The following ERBB4 variants were observed in gnomAD, a reference collection of about 807,000 sequenced individuals.
ERBB4 encodes receptor tyrosine-protein kinase erbB-4.
ERBB4 carries 42 observed loss-of-function variants against 158.0 expected under a neutral mutation model. The ratio of observed to expected loss-of-function variants is 0.27; its 90% CI spans 0.21 to 0.34. ERBB4 has a LOEUF of 0.34. Among genes scored for constraint, ERBB4 ranks in the 10% least tolerant of loss-of-function variants. The pLI is 1.00. For synonymous variants in ERBB4, 583 were observed against 558.7 expected (o/e 1.04, Z -0.61); for missense variants, 1,333 against 1,624.1 (o/e 0.82, Z 3.08).
intron 4 of ERBB4, among the ~76,000 whole-genome samples, chr2:211,754,439 T>C (rs1298395681): frequency 4.1e-5 from 6 of 147,382 alleles, no homozygotes; most frequent in Non-Finnish European, 7.4e-5. Flanking sequence ...TCTCGCTCTG[T>C]TGCACAGGCT....
rs561850242 is a variant in ERBB4 at position 211,504,731 on chromosome 2, G to C, written c.2487+57172C>G. Among the ~76,000 whole-genome samples the C allele has an allele frequency of 2.0e-5, 3 of 152,206 alleles. No individual in the cohort carries two copies. The East Asian group carries it at 5.8e-4, about 29-fold the overall frequency. ...GAATTCAAGAAACAATTCAGAAGAT[G>C]AAAGTAGAGATAAATATATTTTTGA... On this transcript the variant is annotated intron_variant, in intron 20 of 27. Coordinates refer to ENST00000342788, the MANE Select transcript of ERBB4 (RefSeq NM_005235.3).
chr2:211,709,292 C>CATAT (rs1176289939), intron 9 of ERBB4, among the ~76,000 whole-genome samples: 2 of 131,328 alleles, frequency 1.5e-5, no homozygotes, highest in African/African-American at 6.4e-5. Flanking sequence ...TATATATATA[C>CATAT]ATATATATAT....
At chr2:212,354,333 G>C (rs1376567997) in intron 1 of ERBB4, among the ~76,000 whole-genome samples, 1 of 152,048 alleles carries the variant, frequency 6.6e-6, no homozygotes, top group Non-Finnish European at 1.5e-5. Flanking sequence ...GACTCCTGAG[G>C]TGCTTTGCAA....
intron 2 of ERBB4, among the ~76,000 whole-genome samples, chr2:211,951,722 C>G (rs891376426): frequency 6.6e-6 from 1 of 152,052 alleles, no homozygotes; most frequent in Non-Finnish European, 1.5e-5. Context: ...AACTGAGGTT[C>G]TAGTGTCCAA....
intron 3 of ERBB4, among the ~76,000 whole-genome samples, chr2:211,803,878 G>A (rs759322941): frequency 1.6e-4 from 25 of 152,186 alleles, no homozygotes; most frequent in Non-Finnish European, 3.4e-4. Flanking sequence ...GGGAAAGGGA[G>A]GCAGTTATAC....
chr2:212,512,125 G>A lies in ERBB4; in HGVS notation c.82+26324C>T, dbSNP rs114617532. Reference sequence around the variant, plus strand: ...CAATAATGATTCTCTCCCCAGGGATGGGGGACAATTGAATTAAAGTTTATT... The same window carrying A: ...CAATAATGATTCTCTCCCCAGGGATAGGGGACAATTGAATTAAAGTTTATT... On this transcript the variant is annotated intron_variant, in intron 1 of 27. Coordinates refer to ENST00000342788, the MANE Select transcript of ERBB4 (RefSeq NM_005235.3). Among the ~76,000 whole-genome samples, 798 of 152,222 alleles carry A rather than the reference G, an allele frequency of 5.2e-3. 14 individuals carry two copies. Among genetic ancestry groups the A allele is most frequent in the African/African-American group, 0.018 (747 of 41,520 alleles).
At chr2:211,474,216 ATAATC>A (rs1229668260) in intron 20 of ERBB4, among the ~76,000 whole-genome samples, 2 of 152,112 alleles carry the variant, frequency 1.3e-5, no homozygotes, top group African/African-American at 4.8e-5. Flanking sequence ...TAAGTAATAA[ATAATC>A]TGTCTCTGGT....
At chr2:211,816,507 C>T (rs1299242562) in intron 3 of ERBB4, among the ~76,000 whole-genome samples, 1 of 137,200 alleles carries the variant, frequency 7.3e-6, no homozygotes, top group Non-Finnish European at 1.5e-5. Context: ...TACCACTGCA[C>T]TCCAGCCTGG....
In ERBB4 at chr2:212,155,051, T is replaced by C. The variant is rs73071243; in HGVS notation, c.83-30148A>G. On this transcript the variant is annotated intron_variant, in intron 1 of 27. Coordinates refer to ENST00000342788, the MANE Select transcript of ERBB4 (RefSeq NM_005235.3). ...GAATGGTGCCGCAATTCAAATGTAC[T>C]GTAAAATTACTGAAATGATTTCAAT... 3.5e-3 allele frequency among the ~76,000 whole-genome samples: 535 copies of C among 152,324 alleles called. 2 individuals are homozygous for C. Among genetic ancestry groups the C allele is most frequent in the African/African-American group, 0.012 (510 of 41,584 alleles).
intron 4 of ERBB4, among the ~76,000 whole-genome samples, chr2:211,787,491 G>A (rs1437922800): frequency 6.6e-6 from 1 of 152,092 alleles, no homozygotes; most frequent in Non-Finnish European, 1.5e-5. Context: ...ACTGTAACAT[G>A]TTTCTTCTAT....
intron 1 of ERBB4, among the ~76,000 whole-genome samples, chr2:212,228,915 T>C (rs10166883): frequency 0.041 from 6,261 of 152,292 alleles, 394 homozygotes; most frequent in African/African-American, 0.14. Context: ...TAAAAATTTA[T>C]GTATATGTGA....
chr2:211,656,582 TAGA>T (rs1422899676), intron 16 of ERBB4, among the ~76,000 whole-genome samples: 1 of 152,222 alleles, frequency 6.6e-6, no homozygotes, highest in Non-Finnish European at 1.5e-5. Context: ...ATGATCAAGA[TAGA>T]AGAATAGTTC....
intron 2 of ERBB4, among the ~76,000 whole-genome samples, chr2:212,004,972 A>G (rs529075667): frequency 3.0e-4 from 46 of 152,292 alleles, no homozygotes; most frequent in African/African-American, 1.1e-3. Context: ...GTCCTTACTT[A>G]ATCCTTCATT....
chr2:211,633,150 T>G (rs957736696), intron 16 of ERBB4, among the ~76,000 whole-genome samples: 3 of 152,104 alleles, frequency 2.0e-5, no homozygotes, highest in Non-Finnish European at 4.4e-5. Context: ...TTAATAGACA[T>G]AGCAACTGGA....
At chr2:211,501,456 T>C (rs2065613422) in intron 20 of ERBB4, among the ~76,000 whole-genome samples, 1 of 151,524 alleles carries the variant, frequency 6.6e-6, no homozygotes, top group African/African-American at 2.4e-5. Context: ...ATATCACATG[T>C]ATCCCATAAA....
chr2:211,709,746 T>TTTGGCCAGGTATAA (rs1486261654), intron 9 of ERBB4, among the ~76,000 whole-genome samples: 1 of 152,186 alleles, frequency 6.6e-6, no homozygotes, highest in African/African-American at 2.4e-5. Context: ...TTGGTCATAC[T>TTTGGCCAGGTATAA]TTGGCCAGGT....
chr2:211,835,148 T>C (rs2077312552), intron 3 of ERBB4, among the ~76,000 whole-genome samples: 1 of 152,082 alleles, frequency 6.6e-6, no homozygotes, highest in Admixed American at 6.6e-5. Context: ...GGGGATCTTA[T>C]TGGATTTAAT....
chr2:211,912,487 T>G (rs1024827979), intron 3 of ERBB4, among the ~76,000 whole-genome samples: 4 of 152,156 alleles, frequency 2.6e-5, no homozygotes, highest in Admixed American at 2.0e-4. Context: ...TACCTCATAC[T>G]TTTATACAAT....
chr2:212,065,976 T>G (rs557686623), intron 2 of ERBB4, among the ~76,000 whole-genome samples: 2 of 151,984 alleles, frequency 1.3e-5, no homozygotes, highest in African/African-American at 4.8e-5. Flanking sequence ...CCAGGAATAT[T>G]AGGTAATTTT....
Sources: gnomAD v4.1 joint callset for allele counts (sites outside exome capture counted in the v4.1 genomes callset) on GRCh38, gnomAD v4.1.1 for gene constraint, MANE v1.5 for transcripts, NCBI Gene and HGNC (gene_info 2026-07-23, HGNC 2026-07-21) for gene names.